NRXN2: variants seen among roughly 807,000 people sequenced by gnomAD.
The protein encoded by NRXN2 is neurexin 2.
In NRXN2, 29 loss-of-function variants were observed where a neutral mutation model predicts 128.8. That is an observed-to-expected ratio of 0.23 (90% CI 0.17 to 0.31). The LOEUF is 0.31. NRXN2 is among the 10% of genes least tolerant of loss of function. The probability of loss-of-function intolerance (pLI) is 1.00; values close to 1 mark genes in which losing one functional copy is unlikely to be tolerated. For missense variants in NRXN2, 1,881 were observed against 2,452.6 expected, an observed-to-expected ratio of 0.77 and a Z score of 4.92; for synonymous variants, 1,098 against 1,075.2, an observed-to-expected ratio of 1.02 and a Z score of -0.41.
chr11:64,709,055 A>G (rs925075239), intron 2 of NRXN2, among the ~76,000 whole-genome samples: 2 of 151,836 alleles, frequency 1.3e-5, no homozygotes, highest in African/African-American at 4.8e-5. Context: ...AGCTGGACAT[A>G]GTGGCGGGCG....
intron 7 of NRXN2, among the ~76,000 whole-genome samples, chr11:64,669,690 C>G (rs2050369916): frequency 6.6e-6 from 1 of 152,184 alleles, no homozygotes; most frequent in South Asian, 2.1e-4. Context: ...AAAAATCTAA[C>G]TCTACAAGCA....
intron 2 of NRXN2, among the ~76,000 whole-genome samples, chr11:64,708,019 AC>A: frequency 6.6e-6 from 1 of 150,946 alleles, no homozygotes; most frequent in South Asian, 2.1e-4. Flanking sequence ...CTTTGCTTGA[AC>A]CCGGAAGGCA....
At chr11:64,612,030 G>A (rs1299772366) in intron 22 of NRXN2, among the ~76,000 whole-genome samples, 2 of 152,066 alleles carry the variant, frequency 1.3e-5, no homozygotes, top group Non-Finnish European at 2.9e-5. Context: ...AAAAGGCTCT[G>A]GAGAACCCAT....
In NRXN2 at chr11:64,667,112, A is replaced by AG; in HGVS notation, c.1798+137dup. 1 of 863,306 alleles carries AG rather than the reference A, an allele frequency of 1.2e-6. No individual in the cohort carries two copies. The highest frequency in any genetic ancestry group is 1.9e-6 in the Non-Finnish European group (1 of 534,188). The allele number at this position is 863,306 out of a possible 1,614,324, so 53.5% of individuals were successfully genotyped here. A position where few individuals can be genotyped will look rare whatever the true frequency, so the allele number is the denominator to read the frequency against. ...CAGAAAGGACAATTGGGAAGACGTG[A>AG]GGGGGGTGGAGGAGAAGCGGCAGGG... On this transcript the variant is annotated intron_variant, in intron 9 of 22. Coordinates refer to ENST00000265459, the MANE Select transcript of NRXN2 (RefSeq NM_015080.4). The surrounding 1 kb of genome is among the most constrained non-coding windows in gnomAD (Gnocchi z 5.6).
intron 15 of NRXN2, among the ~76,000 whole-genome samples, chr11:64,649,457 G>T (rs1385699976): frequency 6.6e-6 from 1 of 152,162 alleles, no homozygotes; most frequent in Non-Finnish European, 1.5e-5. Flanking sequence ...ATCCCTGGAA[G>T]CCCTAGCCAG....
At chr11:64,619,585 G>A (rs937006780) in intron 22 of NRXN2, among the ~76,000 whole-genome samples, 1 of 152,130 alleles carries the variant, frequency 6.6e-6, no homozygotes, top group Non-Finnish European at 1.5e-5. Flanking sequence ...AGGCCCTGGA[G>A]AGCCTTCCCT....
intron 17 of NRXN2, among the ~76,000 whole-genome samples, chr11:64,645,388 G>A (rs1404626962): frequency 6.6e-6 from 1 of 152,100 alleles, no homozygotes; most frequent in Admixed American, 6.5e-5. Flanking sequence ...ACAGAGGTAT[G>A]TAAGAGATCA....
intron 22 of NRXN2, among the ~76,000 whole-genome samples, chr11:64,614,825 C>A (rs868061393): frequency 2.6e-5 from 4 of 152,374 alleles, no homozygotes; most frequent in African/African-American, 7.2e-5. Flanking sequence ...GGTCCCCATT[C>A]CAGAGGAGCC....
At chr11:64,658,187 G>A (rs1036058536) in intron 11 of NRXN2, among the ~76,000 whole-genome samples, 13 of 152,206 alleles carry the variant, frequency 8.5e-5, no homozygotes, top group South Asian at 4.1e-4. Flanking sequence ...CAAGGCCCCA[G>A]ATTTTTCCTG....
At chr11:64,654,820 G>A (rs2048018511) in intron 11 of NRXN2, among the ~76,000 whole-genome samples, 1 of 152,202 alleles carries the variant, frequency 6.6e-6, no homozygotes, top group Admixed American at 6.5e-5. Context: ...GGGAAGCAAG[G>A]GAGCTGGGTC....
At position 64,660,636 on chromosome 11, in the gene NRXN2, G is replaced by C; in HGVS notation, c.2186-101C>G. On this transcript the variant is annotated intron_variant, in intron 10 of 22. Coordinates refer to ENST00000265459, the MANE Select transcript of NRXN2 (RefSeq NM_015080.4). The surrounding 1 kb of genome is among the most constrained non-coding windows in gnomAD (Gnocchi z 5.2). The stretch of plus-strand genomic sequence containing the variant: ...TACAAGGGCGAAAAGCCTAGGGCAG[G>C]TCTATGAGGGGTTCCCCTAGGAGGA... The C allele has an allele frequency of 1.3e-6, 2 of 1,587,176 alleles. No individual in the cohort carries two copies. The highest frequency in any genetic ancestry group is 1.1e-5 in the South Asian group (1 of 90,486).
chr11:64,680,751 G>C (rs1329415043), intron 6 of NRXN2, among the ~76,000 whole-genome samples: 1 of 152,156 alleles, frequency 6.6e-6, no homozygotes, highest in Admixed American at 6.5e-5. Context: ...GAAAGATAAA[G>C]TCCTGAGGAA....
chr11:64,712,074 C>G (rs2056955033), intron 2 of NRXN2, among the ~76,000 whole-genome samples: 2 of 152,202 alleles, frequency 1.3e-5, no homozygotes, highest in African/African-American at 4.8e-5. Context: ...GACCCACTGT[C>G]GACTACGCTC....
intron 22 of NRXN2, among the ~76,000 whole-genome samples, chr11:64,619,965 A>G (rs1046737949): frequency 2.6e-5 from 4 of 151,546 alleles, no homozygotes; most frequent in African/African-American, 9.7e-5. Flanking sequence ...AGCCATGTTC[A>G]CCCTCCCCCA....
At chr11:64,672,006 C>T (rs1200026786) in intron 7 of NRXN2, among the ~76,000 whole-genome samples, 1 of 152,154 alleles carries the variant, frequency 6.6e-6, no homozygotes, top group Non-Finnish European at 1.5e-5. Flanking sequence ...CCAACCCATG[C>T]CAACCCACTC....
intron 8 of NRXN2, among the ~76,000 whole-genome samples, chr11:64,668,074 C>T (rs992290944): frequency 3.3e-5 from 5 of 152,218 alleles, no homozygotes; most frequent in Admixed American, 3.3e-4. Flanking sequence ...ACTGACTACC[C>T]ATCCACAGAG....
At chr11:64,716,776 CCT>C (rs1439145906) in intron 1 of NRXN2, among the ~76,000 whole-genome samples, 2 of 152,138 alleles carry the variant, frequency 1.3e-5, no homozygotes, top group Non-Finnish European at 2.9e-5. Context: ...CCCAGCACTC[CCT>C]GAGTCCTCTC....
intron 2 of NRXN2, among the ~76,000 whole-genome samples, chr11:64,709,421 A>C (rs1335282616): frequency 6.6e-6 from 1 of 151,946 alleles, no homozygotes; most frequent in East Asian, 1.9e-4. Context: ...AAGTACTCGA[A>C]GTATAATGAG....
Position 64,668,491 on chromosome 11 carries a change from G to C in NRXN2, c.1311C>G (p.Asp437Glu). 2 of 1,614,106 alleles carry C rather than the reference G, an allele frequency of 1.2e-6. No homozygotes were observed. The highest frequency in any genetic ancestry group is 1.7e-5 in the Admixed American group (1 of 60,030). ...FYIGGSPNTA[D>E]LPGSPVSNNF... is the part of the protein sequence containing the mutation. ...TGTTGCTGACGGGCGAGCCCGGCAG[G>C]TCAGCTGTGTTGGGGCTGCCCCCAA... Residue 437 changes from aspartate (D) to glutamate (E), a missense_variant, in exon 8 of 23, where the codon GAC (aspartate) becomes GAG (glutamate). Coordinates refer to ENST00000265459, the MANE Select transcript of NRXN2 (RefSeq NM_015080.4).
Sources: gnomAD v4.1 joint callset for allele counts (sites outside exome capture counted in the v4.1 genomes callset) on GRCh38, gnomAD v4.1.1 for gene constraint, Gnocchi (gnomAD v3.1) non-coding constraint, MANE v1.5 for transcripts, NCBI Gene and HGNC (gene_info 2026-07-23, HGNC 2026-07-21) for gene names.